AFAP1L1: variants seen among roughly 807,000 people sequenced by gnomAD.
AFAP1L1 encodes the protein actin filament associated protein 1 like 1, also known as actin filament-associated protein 1-like 1.
AFAP1L1 carries 77 observed loss-of-function variants against 99.8 expected under a neutral mutation model. That is an observed-to-expected ratio of 0.77 (90% CI 0.64 to 0.93). The LOEUF is 0.93. Among genes scored for constraint, AFAP1L1 ranks in the 40% least tolerant of loss-of-function variants. AFAP1L1 has a pLI of 0.00. For synonymous variants in AFAP1L1, 373 were observed against 395.3 expected, an observed-to-expected ratio of 0.94 and a Z score of 0.67; for missense variants, 893 against 996.8, an observed-to-expected ratio of 0.90 and a Z score of 1.40.
chr5:149,313,609 C>T (rs762887569), intron 9 of AFAP1L1, among the ~76,000 whole-genome samples: 1 of 152,228 alleles, frequency 6.6e-6, no homozygotes, highest in Non-Finnish European at 1.5e-5. Context: ...TCCGGGGCAC[C>T]CCAGGAACTG....
chr5:149,320,838 G>A lies in AFAP1L1; in HGVS notation c.1698+375G>A, dbSNP rs113968517. Among the ~76,000 whole-genome samples, 2,678 of 152,296 alleles carry A rather than the reference G, an allele frequency of 0.018. 36 individuals are homozygous for A. The highest frequency in any genetic ancestry group is 0.099 in the Middle Eastern group (29 of 294). ...CAGGTCCTGACTCTGGGACCACCCC[G>A]CAAGCCTTCACCTGGTGACTTTGTG... On this transcript the variant is annotated intron_variant, in intron 14 of 18. Transcript: ENST00000296721. The surrounding 1 kb of genome is among the most constrained non-coding windows in gnomAD (Gnocchi z 4.0).
At chr5:149,289,972 G>A (rs1182789026) in intron 1 of AFAP1L1, among the ~76,000 whole-genome samples, 2 of 152,188 alleles carry the variant, frequency 1.3e-5, no homozygotes, top group Non-Finnish European at 2.9e-5. Flanking sequence ...GGTGGCTCAC[G>A]CCTGTAATCC....
At chr5:149,329,895 G>T in intron 16 of AFAP1L1, 65 bp downstream of exon 16, 7 of 1,433,626 alleles carry the variant, frequency 4.9e-6, no homozygotes, top group East Asian at 2.6e-5. Flanking sequence ...TACAGTAAAG[G>T]GAGGTCTCTT....
intron 1 of AFAP1L1, among the ~76,000 whole-genome samples, chr5:149,273,598 G>T (rs954112854): frequency 1.3e-5 from 2 of 152,046 alleles, no homozygotes; most frequent in Non-Finnish European, 2.9e-5. Flanking sequence ...TAGCAACTGA[G>T]GCCTAGATTT....
chr5:149,274,464 C>G (rs1272834385), intron 1 of AFAP1L1, among the ~76,000 whole-genome samples: 1 of 152,146 alleles, frequency 6.6e-6, no homozygotes, highest in Non-Finnish European at 1.5e-5. Flanking sequence ...TGGCTGGGCA[C>G]ACAAGATCAG....
At chr5:149,318,690 C>G (rs1756867432) in intron 12 of AFAP1L1, among the ~76,000 whole-genome samples, 1 of 152,196 alleles carries the variant, frequency 6.6e-6, no homozygotes, top group African/African-American at 2.4e-5. Context: ...TGAGGTCATG[C>G]AGAATACGTG....
At chr5:149,278,773 C>T (rs1295818619) in intron 1 of AFAP1L1, among the ~76,000 whole-genome samples, 1 of 152,196 alleles carries the variant, frequency 6.6e-6, no homozygotes, top group African/African-American at 2.4e-5. Context: ...CCCATCTTCT[C>T]CCACTTGCTC....
Position 149,291,536 on chromosome 5 carries a change from AAAAAAAAAAAAAAAG to A in AFAP1L1, c.17-7969_17-7955del, listed in dbSNP as rs1249875490. Among the ~76,000 whole-genome samples the A allele has an allele frequency of 6.6e-4, 94 of 142,062 alleles. 1 individual carries two copies. In the South Asian group the frequency reaches 0.01, roughly 16 times the overall value. The allele number at this position is 142,062 out of a possible 152,430, so 93.2% of individuals were successfully genotyped here. ...CGTGACTCCGTCTCAAAAAAAAAAAAAAAAAAAAAAAAAAGAAAGAAAGAAGAGAAAAGCCTGCAG... is the reference window on the plus strand; with the variant it reads ...CGTGACTCCGTCTCAAAAAAAAAAAAAAAGAAAGAAGAGAAAAGCCTGCAG... On this transcript the variant is annotated intron_variant, in intron 1 of 18. Coordinates refer to ENST00000296721, the MANE Select transcript of AFAP1L1 (RefSeq NM_152406.4).
chr5:149,283,052 C>G (rs1286172077), intron 1 of AFAP1L1, among the ~76,000 whole-genome samples: 1 of 151,230 alleles, frequency 6.6e-6, no homozygotes, highest in Non-Finnish European at 1.5e-5. Flanking sequence ...TATGCAGATC[C>G]CATAGGCTTC....
intron 1 of AFAP1L1, among the ~76,000 whole-genome samples, chr5:149,282,867 T>C (rs1755564151): frequency 6.6e-6 from 1 of 152,188 alleles, no homozygotes. Context: ...TCAAGAGTAG[T>C]GTTGGGAAGA....
chr5:149,283,427 G>C (rs1227240575), intron 1 of AFAP1L1, among the ~76,000 whole-genome samples: 1 of 151,732 alleles, frequency 6.6e-6, no homozygotes, highest in Non-Finnish European at 1.5e-5. Context: ...TTTTTTTTCT[G>C]ACAGCACCGA....
intron 10 of AFAP1L1, 112 bp downstream of exon 10, chr5:149,316,026 G>A: frequency 6.3e-7 from 1 of 1,576,932 alleles, no homozygotes; most frequent in Non-Finnish European, 8.7e-7. Context: ...TGGGTAAGGT[G>A]ACCTGGCCTG....
At chr5:149,274,617 G>A (rs977435170) in intron 1 of AFAP1L1, among the ~76,000 whole-genome samples, 1 of 152,144 alleles carries the variant, frequency 6.6e-6, no homozygotes, top group African/African-American at 2.4e-5. Flanking sequence ...AGTGGCTCAC[G>A]CCCATAACCC....
intron 1 of AFAP1L1, among the ~76,000 whole-genome samples, chr5:149,292,117 GA>G (rs1458340986): frequency 1.3e-5 from 2 of 152,246 alleles, no homozygotes; most frequent in Non-Finnish European, 2.9e-5. Flanking sequence ...TCCAGAGTCT[GA>G]AAGGTACACA....
intron 2 of AFAP1L1, 141 bp downstream of exon 2, chr5:149,299,778 G>C: frequency 7.4e-7 from 1 of 1,353,768 alleles, no homozygotes; most frequent in South Asian, 1.4e-5. Flanking sequence ...CTAAGCCCTG[G>C]ACACAGCGTC....
At chr5:149,296,882 A>ATGC (rs1756036010) in intron 1 of AFAP1L1, among the ~76,000 whole-genome samples, 2 of 152,158 alleles carry the variant, frequency 1.3e-5, no homozygotes, top group Non-Finnish European at 2.9e-5. Context: ...GGGGAAGCAA[A>ATGC]CACATCCTTC....
chr5:149,322,091 C>T (rs1382967752), intron 14 of AFAP1L1, among the ~76,000 whole-genome samples: 1 of 152,216 alleles, frequency 6.6e-6, no homozygotes, highest in Non-Finnish European at 1.5e-5. Context: ...TATTATATTA[C>T]ATTATTATCA....
At chr5:149,291,524 C>CAAAAAAAAAAAAAAAA (rs1229134807) in intron 1 of AFAP1L1, among the ~76,000 whole-genome samples, 2 of 13,394 alleles carry the variant, frequency 1.5e-4, no homozygotes, top group Non-Finnish European at 1.6e-4. Context: ...GACTCCGTCT[C>CAAAAAAAAAAAAAAAA]AAAAAAAAAA....
chr5:149,309,874 TC>T, intron 7 of AFAP1L1, 81 bp from the exon 8 acceptor site: 1 of 1,582,318 alleles, frequency 6.3e-7, no homozygotes, highest in African/African-American at 1.3e-5. Context: ...AGGTCGGGCT[TC>T]CCCCGAGCCT....
Sources: allele counts gnomAD v4.1 joint callset (sites outside exome capture counted in the v4.1 genomes callset), GRCh38; gene constraint gnomAD v4.1.1; non-coding constraint Gnocchi (gnomAD v3.1); transcripts MANE v1.5; gene names NCBI Gene and HGNC (gene_info 2026-07-23, HGNC 2026-07-21).